AP2B1: variants seen among roughly 807,000 people sequenced by gnomAD.
The protein encoded by AP2B1 is adaptor related protein complex 2 subunit beta 1.
A neutral mutation model predicts 102.0 loss-of-function variants in AP2B1; 23 were observed. The observed-to-expected ratio is 0.23, with a 90% CI of 0.16 to 0.32. The LOEUF is 0.32. AP2B1 is among the 10% of genes least tolerant of loss of function. The pLI, the probability that AP2B1 is intolerant of heterozygous loss-of-function variation, is 1.00. For missense variants in AP2B1, 541 were observed against 1,157.4 expected, an observed-to-expected ratio of 0.47 and a Z score of 7.73; for synonymous variants, 381 against 421.2, an observed-to-expected ratio of 0.90 and a Z score of 1.17.
chr17:35,631,400 C>T (rs1050091486), intron 9 of AP2B1, among the ~76,000 whole-genome samples: 33 of 152,136 alleles, frequency 2.2e-4, no homozygotes, highest in Non-Finnish European at 4.1e-4. Flanking sequence ...GGGTACCCCG[C>T]TTTCCCCATC....
intron 18 of AP2B1, among the ~76,000 whole-genome samples, chr17:35,695,561 T>C (rs900547052): frequency 6.6e-6 from 1 of 152,042 alleles, no homozygotes; most frequent in African/African-American, 2.4e-5. Flanking sequence ...CCTGTTATAC[T>C]CAGATATCTA....
At chr17:35,698,307 T>C (rs1482234286) in intron 18 of AP2B1, among the ~76,000 whole-genome samples, 1 of 151,896 alleles carries the variant, frequency 6.6e-6, no homozygotes, top group Non-Finnish European at 1.5e-5. Flanking sequence ...GTGTTTTTTT[T>C]TGTTTTGTTT....
At chr17:35,617,331 C>T (rs527294007) in intron 5 of AP2B1, among the ~76,000 whole-genome samples, 22 of 152,304 alleles carry the variant, frequency 1.4e-4, no homozygotes, top group Non-Finnish European at 2.4e-4. Context: ...GCTGGGATTA[C>T]AGGCGTGAGT....
chr17:35,589,265 C>G (rs905319174), intron 1 of AP2B1, among the ~76,000 whole-genome samples: 1 of 152,074 alleles, frequency 6.6e-6, no homozygotes, highest in Non-Finnish European at 1.5e-5. Context: ...CACCTCTCAC[C>G]TTTATAATAA....
intron 18 of AP2B1, among the ~76,000 whole-genome samples, chr17:35,694,975 C>G (rs2428464): frequency 0.87 from 132,454 of 152,204 alleles, 58,046 homozygotes; most frequent in African/African-American, 0.97. Flanking sequence ...TCCCACCCCT[C>G]ACTATTAACA....
chr17:35,665,740 A>G (rs1405678470), intron 14 of AP2B1, among the ~76,000 whole-genome samples: 2 of 152,334 alleles, frequency 1.3e-5, no homozygotes, highest in African/African-American at 4.8e-5. Context: ...AAGAGACACT[A>G]GCTCTAAACA....
At position 35,723,606 on chromosome 17, in the gene AP2B1, C is replaced by T; in HGVS notation, c.2782-19C>T. 1 of 1,568,774 alleles carries T rather than the reference C, an allele frequency of 6.4e-7. No homozygotes were observed. Among genetic ancestry groups the T allele is most frequent in the Non-Finnish European group, 8.8e-7 (1 of 1,138,804 alleles). Reference sequence around the variant, plus strand: ...GCCAACCTCTGTGCTAATCTTCCATCTCCTTTTTCTCCTAACAGCTGTCAC... The same window carrying T: ...GCCAACCTCTGTGCTAATCTTCCATTTCCTTTTTCTCCTAACAGCTGTCAC... On this transcript the variant is annotated intron_variant, in intron 21 of 21. Coordinates refer to ENST00000610402, the MANE Select transcript of AP2B1 (RefSeq NM_001030006.2).
rs78974063 is a variant in AP2B1 at position 35,642,449 on chromosome 17, T to C, written c.1536+474T>C. On this transcript the variant is annotated intron_variant, in intron 12 of 21. Transcript: ENST00000610402. Reference sequence around the variant, plus strand: ...ATATATTTGGATCTCCTTGGAATTATTTGTTTTTTTAGGTCAGAAGAAAAG... The same window carrying C: ...ATATATTTGGATCTCCTTGGAATTACTTGTTTTTTTAGGTCAGAAGAAAAG... Among the ~76,000 whole-genome samples the C allele has an allele frequency of 4.6e-5, 7 of 152,330 alleles. No individual in the cohort carries two copies. In the East Asian group the frequency reaches 1.2e-3, roughly 25 times the overall value.
chr17:35,639,799 T>A, intron 11 of AP2B1, 39 bp downstream of exon 11: 1 of 1,587,888 alleles, frequency 6.3e-7, no homozygotes. Flanking sequence ...TAGTTTTAGA[T>A]GTCTTTGGGG....
chr17:35,662,476 G>A (rs1598212645), intron 14 of AP2B1, among the ~76,000 whole-genome samples: 1 of 150,994 alleles, frequency 6.6e-6, no homozygotes, highest in South Asian at 2.1e-4. Flanking sequence ...TAGTTATTTG[G>A]GCTTTTTTTG....
At chr17:35,667,960 C>T (rs2075504342) in intron 14 of AP2B1, among the ~76,000 whole-genome samples, 2 of 119,352 alleles carry the variant, frequency 1.7e-5, no homozygotes, top group Admixed American at 1.0e-4. Flanking sequence ...TTTTTTGAGA[C>T]GGAGTCTTGG....
At chr17:35,636,907 A>G (rs1261791433) in intron 10 of AP2B1, among the ~76,000 whole-genome samples, 2 of 152,206 alleles carry the variant, frequency 1.3e-5, no homozygotes, top group African/African-American at 4.8e-5. Context: ...TGTGCTATTT[A>G]CTTTGCATGT....
Position 35,682,774 on chromosome 17 carries a change from C to G in AP2B1, c.2404C>G (p.Leu802Val), listed in dbSNP as rs747037239. The G allele has an allele frequency of 3.1e-6, 5 of 1,613,036 alleles. No individual in the cohort carries two copies. The African/African-American group carries it at 4.0e-5, about 13-fold the overall frequency. Residue 802 changes from leucine to valine, a missense_variant, in exon 18 of 22, where the codon CTC becomes GTC. Leu to Val is a conservative substitution (Grantham distance 32). Transcript: ENST00000610402. Reference protein sequence around the residue: ...PNQSIDVSLPLNTLGPVMKME... With the variant: ...PNQSIDVSLPVNTLGPVMKME... ...CCAGAGCATTGATGTCTCCCTGCCTCTCAATACCTTGGGCCCAGTCATGAA... is the reference window on the plus strand; with the variant it reads ...CCAGAGCATTGATGTCTCCCTGCCTGTCAATACCTTGGGCCCAGTCATGAA...
intron 9 of AP2B1, among the ~76,000 whole-genome samples, chr17:35,628,893 T>C (rs907321018): frequency 1.3e-5 from 2 of 152,208 alleles, no homozygotes; most frequent in Non-Finnish European, 2.9e-5. Context: ...TTAGGGCCAA[T>C]GTAATGCAAA....
intron 18 of AP2B1, among the ~76,000 whole-genome samples, chr17:35,694,023 C>A (rs1377012280): frequency 6.6e-6 from 1 of 152,124 alleles, no homozygotes; most frequent in Non-Finnish European, 1.5e-5. Flanking sequence ...ATATCTAGAA[C>A]CTAGATTTGA....
At chr17:35,607,881 C>T in intron 4 of AP2B1, 1 of 411,820 alleles carries the variant, frequency 2.4e-6, no homozygotes, top group Non-Finnish European at 4.4e-6. Flanking sequence ...CCCTAAACCT[C>T]TGCCTGGCAC....
At chr17:35,649,021 G>A (rs1409253720) in intron 12 of AP2B1, among the ~76,000 whole-genome samples, 2 of 152,128 alleles carry the variant, frequency 1.3e-5, no homozygotes, top group Admixed American at 1.3e-4. Context: ...AAGCAGTTAT[G>A]TCCTCTCTTT....
intron 17 of AP2B1, among the ~76,000 whole-genome samples, chr17:35,680,577 C>G (rs1350878609): frequency 6.6e-6 from 1 of 152,010 alleles, no homozygotes; most frequent in African/African-American, 2.4e-5. Flanking sequence ...CTCTATGTTG[C>G]CCAAGCTGGT....
At chr17:35,689,187 T>G (rs1463461327) in intron 18 of AP2B1, among the ~76,000 whole-genome samples, 2 of 152,122 alleles carry the variant, frequency 1.3e-5, no homozygotes, top group African/African-American at 4.8e-5. Context: ...TGTCTCGTAT[T>G]TTGTTTGTTT....
Sources: gnomAD v4.1 joint callset for allele counts (sites outside exome capture counted in the v4.1 genomes callset) on GRCh38, gnomAD v4.1.1 for gene constraint, MANE v1.5 for transcripts, NCBI Gene and HGNC (gene_info 2026-07-23, HGNC 2026-07-21) for gene names.